The following LAMA4 variants were observed in gnomAD, a reference collection of about 807,000 sequenced individuals.
The protein encoded by LAMA4 is laminin subunit alpha-4.
LAMA4 carries 127 observed loss-of-function variants against 207.1 expected under a neutral mutation model. The observed-to-expected ratio is 0.61, with a 90% confidence interval of 0.53 to 0.71. The LOEUF is 0.71. LAMA4 is among the 30% of genes least tolerant of loss of function. The pLI, the probability that LAMA4 is intolerant of heterozygous loss-of-function variation, is 0.00. For synonymous variants in LAMA4, 761 were observed against 816.0 expected (o/e 0.93, Z 1.15); for missense variants, 2,093 against 2,246.5 (o/e 0.93, Z 1.38).
At chr6:112,187,027 GAGA>G (rs1173401994) in intron 8 of LAMA4, 4 of 391,272 alleles carry the variant, frequency 1.0e-5, no homozygotes, top group African/African-American at 2.1e-5. Context: ...AGGAGAGACA[GAGA>G]AGAAGAAGGA....
intron 32 of LAMA4, among the ~76,000 whole-genome samples, chr6:112,121,109 A>G (rs797040058): frequency 3.3e-5 from 5 of 152,260 alleles, no homozygotes; most frequent in African/African-American, 1.2e-4. Flanking sequence ...TAGTAAAAAT[A>G]TGTATGTTAA....
chr6:112,253,575 G>A, intron 2 of LAMA4: 1 of 646,862 alleles, frequency 1.5e-6, no homozygotes, highest in Non-Finnish European at 2.8e-6. Flanking sequence ...GCACAGAGGA[G>A]CAGGAAGCCA....
chr6:112,127,811 A>C (rs1554328161), intron 31 of LAMA4, among the ~76,000 whole-genome samples: 1 of 152,120 alleles, frequency 6.6e-6, no homozygotes. Context: ...ACCTGAGCAC[A>C]CTCTTAAAAT....
intron 2 of LAMA4, among the ~76,000 whole-genome samples, chr6:112,246,195 T>A (rs1166937002): frequency 6.6e-6 from 1 of 152,148 alleles, no homozygotes; most frequent in Non-Finnish European, 1.5e-5. Context: ...TTTGCAAATA[T>A]GAGTAGGTAT....
intron 5 of LAMA4, among the ~76,000 whole-genome samples, chr6:112,194,296 A>C (rs1783287167): frequency 6.6e-6 from 1 of 152,244 alleles, no homozygotes. Flanking sequence ...GGCTTGCCCA[A>C]GCTCATAGAG....
At chr6:112,172,002 T>G (rs999443909) in intron 12 of LAMA4, 1 of 154,192 alleles carries the variant, frequency 6.5e-6, no homozygotes, top group Non-Finnish European at 1.4e-5. Flanking sequence ...ATGGCCCCTC[T>G]TGATGCTGGC....
chr6:112,121,900 A>G lies in LAMA4; in HGVS notation c.4475+114T>C, dbSNP rs138072467. ...TAGTGTTTATTTTGGTGATAACATA[A>G]TAGGATTAAGGTGGCACAGAAAGGA... is the stretch of plus-strand genomic sequence containing the variant. On this transcript the variant is annotated intron_variant, in intron 32 of 38. Coordinates refer to ENST00000230538, the MANE Select transcript of LAMA4 (RefSeq NM_001105206.3). 1.4e-3 allele frequency: 1,190 copies of G among 876,490 alleles called. 9 individuals carry two copies. In the African/African-American group the frequency reaches 0.017, roughly 13 times the overall value. 54.3% of individuals were successfully genotyped at this position (876,490 alleles called of 1,614,324 possible).
rs558060357 is a variant in LAMA4, at chr6:112,171,580, G to C, written c.1551+1031C>G. Reference sequence around the variant, plus strand: ...TTGACTGGATGTGGAGGAGGGAAAGGGGGACACTTCAAGGGTAAGGAGAGT... The same window carrying C: ...TTGACTGGATGTGGAGGAGGGAAAGCGGGACACTTCAAGGGTAAGGAGAGT... On this transcript the variant is annotated intron_variant, in intron 12 of 38. Transcript: ENST00000230538. 3.3e-5 allele frequency: 5 copies of C among 153,568 alleles called. No homozygotes were observed. In the South Asian group the frequency reaches 1.0e-3, roughly 32 times the overall value. 9.5% of individuals were successfully genotyped at this position (153,568 alleles called of 1,614,324 possible).
intron 3 of LAMA4, among the ~76,000 whole-genome samples, chr6:112,208,605 C>T (rs1784199883): frequency 6.6e-6 from 1 of 152,190 alleles, no homozygotes; most frequent in Non-Finnish European, 1.5e-5. Context: ...CCATATTATA[C>T]TGCTTCTCCA....
intron 5 of LAMA4, among the ~76,000 whole-genome samples, chr6:112,194,830 T>C (rs1443487736): frequency 6.6e-6 from 1 of 152,192 alleles, no homozygotes; most frequent in Non-Finnish European, 1.5e-5. Flanking sequence ...TGGTGCCCAG[T>C]AGCCTGGTCC....
At chr6:112,195,598 T>C (rs1783369025) in intron 5 of LAMA4, among the ~76,000 whole-genome samples, 1 of 152,196 alleles carries the variant, frequency 6.6e-6, no homozygotes, top group African/African-American at 2.4e-5. Flanking sequence ...TGTTCTGCCT[T>C]TTCTGTTAGG....
At position 112,152,713 on chromosome 6, in the gene LAMA4, C is replaced by G. The variant is rs185977679; in HGVS notation, c.2057-2086G>C. ...GATTGGTTTAATGTTATCTTTCCCC[C>G]CCAGATATGTGTATAATGGGTGGTG... is the stretch of plus-strand genomic sequence containing the variant. On this transcript the variant is annotated intron_variant, in intron 16 of 38. Transcript: ENST00000230538. Among the ~76,000 whole-genome samples the G allele has an allele frequency of 3.6e-3, 541 of 152,038 alleles. 3 individuals carry two copies. The highest frequency in any genetic ancestry group is 0.017 in the Middle Eastern group (5 of 294).
chr6:112,152,520 C>A (rs1425612754), intron 16 of LAMA4, among the ~76,000 whole-genome samples: 1 of 152,096 alleles, frequency 6.6e-6, no homozygotes, highest in Non-Finnish European at 1.5e-5. Flanking sequence ...AGTAATTCTT[C>A]ATTTCTGTTT....
At position 112,115,854 on chromosome 6, in the gene LAMA4, A is replaced by G; in HGVS notation, c.5112+9T>C. 2 of 1,612,432 alleles carry G rather than the reference A, an allele frequency of 1.2e-6. No individual in the cohort carries two copies. Among genetic ancestry groups the G allele is most frequent in the Non-Finnish European group, 1.7e-6 (2 of 1,178,772 alleles). ...TGAGACAAATTGTTAAACATTTTTC[A>G]GACACTACCTGTCCATTTTTCATGT... On this transcript the variant is annotated intron_variant, in intron 36 of 38. Transcript: ENST00000230538.
chr6:112,226,710 T>C (rs974174555), intron 2 of LAMA4, among the ~76,000 whole-genome samples: 1 of 152,032 alleles, frequency 6.6e-6, no homozygotes, highest in Non-Finnish European at 1.5e-5. Context: ...GAAAAATGGG[T>C]TTGAATTGGT....
Position 112,158,862 on chromosome 6 carries a change from C to T in LAMA4, c.1687G>A (p.Ala563Thr). Residue 563 changes from alanine (A) to threonine (T), a missense_variant, in exon 14 of 39, where the codon GCA becomes ACA. Physicochemically the swap from Ala to Thr is moderately conservative, Grantham distance 58. Coordinates refer to ENST00000230538, the MANE Select transcript of LAMA4 (RefSeq NM_001105206.3). ...DIIKNASGIY[A>T]EIDGAKSELQ... is the part of the protein sequence containing the mutation. ...TCACTTTTGGCTCCATCTATTTCTG[C>T]ATAAATCCCTGACGCATTCTAAAGA... The T allele has an allele frequency of 6.2e-7, 1 of 1,611,264 alleles. No individual in the cohort carries two copies. Among genetic ancestry groups the T allele is most frequent in the Non-Finnish European group, 8.5e-7 (1 of 1,177,544 alleles).
intron 3 of LAMA4, among the ~76,000 whole-genome samples, chr6:112,208,115 T>G (rs1457178897): frequency 1.3e-5 from 2 of 152,208 alleles, no homozygotes; most frequent in African/African-American, 4.8e-5. Flanking sequence ...TTTTTCATCT[T>G]TACATTCATC....
chr6:112,181,923 C>T (rs1159509213), intron 9 of LAMA4, among the ~76,000 whole-genome samples: 1 of 151,910 alleles, frequency 6.6e-6, no homozygotes, highest in Non-Finnish European at 1.5e-5. Context: ...ATGGTGAAGC[C>T]CCATCTCTAC....
chr6:112,133,627 G>A (rs1206036699), intron 26 of LAMA4, 140 bp from the exon 27 acceptor site: 2 of 1,073,752 alleles, frequency 1.9e-6, no homozygotes, highest in African/African-American at 1.6e-5. Flanking sequence ...TCTTTGATAG[G>A]CACACAGCAA....
Sources: allele counts gnomAD v4.1 joint callset (sites outside exome capture counted in the v4.1 genomes callset), GRCh38; gene constraint gnomAD v4.1.1; transcripts MANE v1.5; gene names NCBI Gene and HGNC (gene_info 2026-07-23, HGNC 2026-07-21).